DOT1L: variants seen among roughly 807,000 people sequenced by gnomAD.
The protein encoded by DOT1L is DOT1 like histone lysine methyltransferase, also known as histone-lysine N-methyltransferase, H3 lysine-79 specific.
A neutral mutation model predicts 153.3 loss-of-function variants in DOT1L; 33 were observed. The ratio of observed to expected loss-of-function variants is 0.22; its 90% CI spans 0.16 to 0.29. The LOEUF (loss-of-function observed/expected upper bound fraction) is 0.29. Among genes scored for constraint, DOT1L ranks in the 10% least tolerant of loss-of-function variants. DOT1L has a pLI of 1.00. For missense variants in DOT1L, 1,847 were observed against 2,119.9 expected, an observed-to-expected ratio of 0.87 and a Z score of 2.53; for synonymous variants, 1,135 against 965.1, an observed-to-expected ratio of 1.18 and a Z score of -3.26.
Position 2,202,743 on chromosome 19 carries a change from C to T in DOT1L, c.751C>T (p.His251Tyr). ...TTTTGCCTTTGGTCCTGAGGTGGAT[C>T]ACCAGCTGAAGGAGCGGTTTGCAAA... is the stretch of plus-strand genomic sequence containing the variant. ...NNFAFGPEVD[H>Y]QLKERFANMK... The change falls in exon 9 of 28, where the codon CAC becomes TAC. Residue 251 changes from histidine (H) to tyrosine (Y), a missense_variant. By Grantham distance (83) the His-to-Tyr change is moderately conservative (BLOSUM62 2). Coordinates refer to ENST00000398665, the MANE Select transcript of DOT1L (RefSeq NM_032482.3). The T allele has an allele frequency of 6.2e-7, 1 of 1,614,214 alleles. No homozygotes were observed. Among genetic ancestry groups the T allele is most frequent in the Non-Finnish European group, 8.5e-7 (1 of 1,180,046 alleles).
At chr19:2,219,961 C>T (rs974217573) in intron 22 of DOT1L, 147 bp from the exon 23 acceptor site, 26 of 672,430 alleles carry the variant, frequency 3.9e-5, no homozygotes, top group South Asian at 5.8e-5. Context: ...CAAGTTCCCC[C>T]GCTGCCCTCT....
At chr19:2,199,034 G>C (rs2023137418) in intron 7 of DOT1L, among the ~76,000 whole-genome samples, 1 of 152,234 alleles carries the variant, frequency 6.6e-6, no homozygotes, top group Admixed American at 6.5e-5. Context: ...TTGTGTCCGG[G>C]CTTTTGTGTG....
intron 7 of DOT1L, among the ~76,000 whole-genome samples, chr19:2,196,745 C>A (rs1599570008): frequency 6.6e-6 from 1 of 152,132 alleles, no homozygotes; most frequent in Non-Finnish European, 1.5e-5. Context: ...TGCTGGCCGG[C>A]GCTGGCATTT....
intron 25 of DOT1L, 134 bp from the exon 26 acceptor site, chr19:2,225,254 A>G (rs1012149841): frequency 6.0e-6 from 5 of 835,766 alleles, no homozygotes; most frequent in Non-Finnish European, 9.9e-6. Context: ...GGGTGGCTGC[A>G]CGGGTCCCCT....
chr19:2,189,821 G>T, intron 4 of DOT1L, 26 bp downstream of exon 4: 1 of 1,610,634 alleles, frequency 6.2e-7, no homozygotes, highest in Non-Finnish European at 8.5e-7. Flanking sequence ...CTGCCCAGAG[G>T]GGGTTAGTAG....
rs369090875 is a variant in DOT1L at position 2,225,436 on chromosome 19, G to A, written c.3645G>A (p.Pro1215=). 156 of 1,614,132 alleles carry A rather than the reference G, an allele frequency of 9.7e-5. 1 individual carries two copies. In the South Asian group the frequency reaches 1.3e-3, roughly 14 times the overall value. ...ATISLESKSP[P]KTLENGGGLA... ...TCTCCTTAGAAAGCAAATCTCCCCC[G>A]AAAACCTTGGAAAATGGTGAGTAAC... The change falls in exon 26 of 28, where the codon CCG becomes CCA. Residue 1215 remains proline, a synonymous_variant. Coordinates refer to ENST00000398665, the MANE Select transcript of DOT1L (RefSeq NM_032482.3).
Position 2,207,138 on chromosome 19 carries a change from G to A in DOT1L, c.856+341G>A, listed in dbSNP as rs901251975. Among the ~76,000 whole-genome samples, 5 of 152,192 alleles carry A rather than the reference G, an allele frequency of 3.3e-5. No homozygotes were observed. The highest frequency in any genetic ancestry group is 6.5e-5 in the Admixed American group (1 of 15,286). On this transcript the variant is annotated intron_variant, in intron 10 of 27. Transcript: ENST00000398665. This position sits in a 1 kb window ranked among gnomAD's most constrained non-coding sequence, Gnocchi z 4.5. Reference sequence around the variant, plus strand: ...GACAGGCCCACGGTGGGAAGGAGCCGGCCCCTCCCATGCCCCCTGCCTGCC... The same window carrying A: ...GACAGGCCCACGGTGGGAAGGAGCCAGCCCCTCCCATGCCCCCTGCCTGCC...
intron 1 of DOT1L, among the ~76,000 whole-genome samples, chr19:2,169,220 C>T (rs965295850): frequency 2.6e-5 from 4 of 152,132 alleles, no homozygotes; most frequent in South Asian, 2.1e-4. Flanking sequence ...CTGTCCCCAC[C>T]GTGACTCAGA....
rs189967403 is a variant in DOT1L at position 2,228,550 on chromosome 19, C to T, written c.4607-1235C>T. The T allele has an allele frequency of 1.8e-4, 181 of 985,328 alleles. 4 individuals carry two copies. The Admixed American group carries it at 7.2e-3, about 39-fold the overall frequency. The allele number at this position is 985,328 out of a possible 1,614,324, so 61.0% of individuals were successfully genotyped here. On this transcript the variant is annotated intron_variant, in intron 27 of 27. Transcript: ENST00000398665. ...GGTCGCGAGAGGAGGGACTACAGGA[C>T]GGGCACCAGCCATGGAGTGGCCTGA...
intron 22 of DOT1L, among the ~76,000 whole-genome samples, chr19:2,218,714 C>G (rs1289577640): frequency 6.9e-6 from 1 of 144,382 alleles, no homozygotes; most frequent in Non-Finnish European, 1.5e-5. Flanking sequence ...TTTTATTTTT[C>G]GAGATGGAGA....
chr19:2,167,350 C>G (rs774969445), intron 1 of DOT1L, among the ~76,000 whole-genome samples: 2 of 152,244 alleles, frequency 1.3e-5, no homozygotes, highest in Admixed American at 6.5e-5. Flanking sequence ...TTTGCCTTTT[C>G]CTTGGTACTG....
At chr19:2,212,866 G>A (rs551821552) in intron 16 of DOT1L, 2 of 152,440 alleles carry the variant, frequency 1.3e-5, no homozygotes, top group South Asian at 2.1e-4. Context: ...ACCTGCTTTA[G>A]TGGGGAGCTA....
Position 2,230,568 on chromosome 19 carries a change from T to C in DOT1L, c.*776T>C. On this transcript the variant is annotated 3_prime_UTR_variant, in exon 28 of 28. Transcript: ENST00000398665. ...TCTCGGCTGTCCATGGCTCGCAGCA[T>C]GCCCTGCGATGCGGGGCAGGCCTGT... The C allele has an allele frequency of 2.5e-6, 1 of 398,738 alleles. No individual in the cohort carries two copies. 24.7% of individuals were successfully genotyped at this position (398,738 alleles called of 1,614,324 possible). A position where few individuals can be genotyped will look rare whatever the true frequency, so the allele number is the denominator to read the frequency against.
In DOT1L at chr19:2,210,507, C is replaced by T. The variant is rs1197236787; in HGVS notation, c.1113C>T (p.Pro371=). 1.0e-5 allele frequency: 16 copies of T among 1,595,380 alleles called. No individual in the cohort carries two copies. The highest frequency in any genetic ancestry group is 1.3e-5 in the Non-Finnish European group (15 of 1,171,304). ...AGGTGGCCGGCCCCGCCGACGCCCC[C>T]ATGGTAAGGCCCCAGCCTGGCTCCT... ...EGKVAGPADA[P]MDSGAEEEKA... Residue 371 remains proline, a synonymous_variant, in exon 13 of 28, where the codon CCC becomes CCT. Coordinates refer to ENST00000398665, the MANE Select transcript of DOT1L (RefSeq NM_032482.3).
intron 25 of DOT1L, among the ~76,000 whole-genome samples, chr19:2,224,305 C>T (rs1483827005): frequency 1.3e-5 from 2 of 152,174 alleles, no homozygotes; most frequent in African/African-American, 4.8e-5. Flanking sequence ...GGCCCGGCCC[C>T]CTGGGCTCTC....
At position 2,220,925 on chromosome 19, in the gene DOT1L, C is replaced by A; in HGVS notation, c.2806+703C>A. 1 of 244,212 alleles carries A rather than the reference C, an allele frequency of 4.1e-6. No individual in the cohort carries two copies. Among genetic ancestry groups the A allele is most frequent in the South Asian group, 4.6e-5 (1 of 21,680 alleles). The allele number at this position is 244,212 out of a possible 1,614,324, so 15.1% of individuals were successfully genotyped here. Reference sequence around the variant, plus strand: ...GCGTGGTGGCTCATGCCTGTAATCCCAGCACCTTGGGATGCCGAGGTGGGC... The same window carrying A: ...GCGTGGTGGCTCATGCCTGTAATCCAAGCACCTTGGGATGCCGAGGTGGGC... On this transcript the variant is annotated intron_variant, in intron 23 of 27. Coordinates refer to ENST00000398665, the MANE Select transcript of DOT1L (RefSeq NM_032482.3). This position sits in a 1 kb window ranked among gnomAD's most constrained non-coding sequence, Gnocchi z 4.5.
intron 2 of DOT1L, among the ~76,000 whole-genome samples, chr19:2,185,111 G>A (rs1315909432): frequency 6.6e-6 from 1 of 152,112 alleles, no homozygotes; most frequent in Non-Finnish European, 1.5e-5. Flanking sequence ...TCTCCATGTT[G>A]GTCAGGCTGG....
intron 1 of DOT1L, among the ~76,000 whole-genome samples, chr19:2,179,886 T>C (rs1172486263): frequency 6.6e-6 from 1 of 152,084 alleles, no homozygotes; most frequent in East Asian, 1.9e-4. Flanking sequence ...GCACCCAGCC[T>C]GTTGTGGGTT....
At chr19:2,164,557 A>G in intron 1 of DOT1L, 2 of 249,904 alleles carry the variant, frequency 8.0e-6, no homozygotes, top group East Asian at 6.9e-5. Flanking sequence ...CGGAAGGGGT[A>G]ACTCGTGCCG....
Sources: gnomAD v4.1 joint callset for allele counts (sites outside exome capture counted in the v4.1 genomes callset) on GRCh38, gnomAD v4.1.1 for gene constraint, Gnocchi (gnomAD v3.1) non-coding constraint, MANE v1.5 for transcripts, NCBI Gene and HGNC (gene_info 2026-07-23, HGNC 2026-07-21) for gene names.